Variants in ME1 observed in about 807,000 individuals in gnomAD.
The protein encoded by ME1 is malic enzyme 1.
Under a neutral mutation model 66.4 loss-of-function variants are expected in ME1, and 74 were observed. The ratio of observed to expected loss-of-function variants is 1.11; its 90% confidence interval spans 0.92 to 1.35. The LOEUF is 1.35. Among genes scored for constraint, ME1 ranks in the 40% most tolerant of loss-of-function variants. The probability of loss-of-function intolerance (pLI) is 0.00; values close to 1 mark genes in which losing one functional copy is unlikely to be tolerated. For synonymous variants in ME1, 251 were observed against 235.6 expected (o/e 1.07, Z -0.60); for missense variants, 750 against 694.1 (o/e 1.08, Z -0.90).
At chr6:83,397,835 G>C (rs1375874889) in intron 3 of ME1, among the ~76,000 whole-genome samples, 2 of 152,178 alleles carry the variant, frequency 1.3e-5, no homozygotes, top group Admixed American at 6.5e-5. Flanking sequence ...CAACAATACA[G>C]ATGAACCTTT....
At chr6:83,392,549 A>G (rs1769641465) in intron 3 of ME1, 1 of 548,624 alleles carries the variant, frequency 1.8e-6, no homozygotes, top group Admixed American at 1.9e-5. Flanking sequence ...AACACTGTCT[A>G]CATGTTCCAG....
At chr6:83,313,694 A>G (rs1358530281) in intron 6 of ME1, among the ~76,000 whole-genome samples, 2 of 152,200 alleles carry the variant, frequency 1.3e-5, no homozygotes, top group Non-Finnish European at 2.9e-5. Flanking sequence ...TCAAAACCTT[A>G]CATGAGCGTT....
chr6:83,374,158 A>T (rs375389915), intron 3 of ME1, among the ~76,000 whole-genome samples: 1 of 152,294 alleles, frequency 6.6e-6, no homozygotes, highest in East Asian at 1.9e-4. Flanking sequence ...CTGGTTCTAG[A>T]CCTTGGAGGA....
At chr6:83,324,597 G>T (rs1768247191) in intron 5 of ME1, among the ~76,000 whole-genome samples, 1 of 148,950 alleles carries the variant, frequency 6.7e-6, no homozygotes, top group Non-Finnish European at 1.5e-5. Flanking sequence ...ATATCTAGAA[G>T]AAATGGATAA....
chr6:83,281,475 G>A (rs1048404074), intron 6 of ME1, among the ~76,000 whole-genome samples: 1 of 151,964 alleles, frequency 6.6e-6, no homozygotes, highest in African/African-American at 2.4e-5. Context: ...TTTTACTACA[G>A]GGCTTACTGA....
intron 5 of ME1, among the ~76,000 whole-genome samples, chr6:83,345,731 A>T (rs1768673324): frequency 6.6e-6 from 1 of 152,196 alleles, no homozygotes; most frequent in Non-Finnish European, 1.5e-5. Flanking sequence ...TGACTTTAAG[A>T]TTCTAAAATA....
At chr6:83,425,583 A>G (rs1337095717) in intron 1 of ME1, among the ~76,000 whole-genome samples, 2 of 152,166 alleles carry the variant, frequency 1.3e-5, no homozygotes, top group African/African-American at 4.8e-5. Flanking sequence ...CCAGGAGAAC[A>G]GCAGCATGGG....
chr6:83,288,360 G>A (rs1388509275), intron 6 of ME1, among the ~76,000 whole-genome samples: 2 of 152,124 alleles, frequency 1.3e-5, no homozygotes, highest in African/African-American at 4.8e-5. Flanking sequence ...TCCAGTTTCA[G>A]TTTTCTGCAT....
At chr6:83,273,533 T>C (rs1472210909) in intron 6 of ME1, among the ~76,000 whole-genome samples, 1 of 152,170 alleles carries the variant, frequency 6.6e-6, no homozygotes, top group Non-Finnish European at 1.5e-5. Context: ...TTAAGTCTTA[T>C]TCCATGAACT....
intron 6 of ME1, among the ~76,000 whole-genome samples, chr6:83,291,952 T>C (rs1266774015): frequency 1.3e-5 from 2 of 152,090 alleles, no homozygotes; most frequent in African/African-American, 2.4e-5. Flanking sequence ...GTTCTTGTAG[T>C]GTGCTTTCCA....
intron 3 of ME1, among the ~76,000 whole-genome samples, chr6:83,386,797 C>CTA (rs1249852043): frequency 2.0e-5 from 3 of 150,376 alleles, no homozygotes; most frequent in Non-Finnish European, 4.4e-5. Flanking sequence ...GATTAGTGCC[C>CTA]TTTATAAAAG....
chr6:83,396,604 C>T (rs1450087523), intron 3 of ME1, among the ~76,000 whole-genome samples: 2 of 151,958 alleles, frequency 1.3e-5, no homozygotes, highest in East Asian at 3.9e-4. Context: ...CATTTTTTCA[C>T]AGAAATATAA....
At chr6:83,423,052 A>C (rs1052441523) in intron 1 of ME1, among the ~76,000 whole-genome samples, 1 of 152,152 alleles carries the variant, frequency 6.6e-6, no homozygotes, top group African/African-American at 2.4e-5. Flanking sequence ...CAAACCCAGA[A>C]ACATTATATT....
chr6:83,378,047 G>A (rs558421001), intron 3 of ME1, among the ~76,000 whole-genome samples: 1 of 152,136 alleles, frequency 6.6e-6, no homozygotes, highest in South Asian at 2.1e-4. Context: ...CCCAGGGGAG[G>A]AAGAAAGTGT....
At chr6:83,269,459 A>G (rs958531162) in intron 6 of ME1, among the ~76,000 whole-genome samples, 4 of 152,128 alleles carry the variant, frequency 2.6e-5, no homozygotes, top group African/African-American at 9.7e-5. Flanking sequence ...CTGTTAGTTT[A>G]CTTTAGTGGA....
chr6:83,416,871 G>A (rs1770168624), intron 1 of ME1, among the ~76,000 whole-genome samples: 1 of 150,052 alleles, frequency 6.7e-6, no homozygotes. Flanking sequence ...ACTCCAGGCT[G>A]GGTGACAGAG....
intron 2 of ME1, among the ~76,000 whole-genome samples, chr6:83,405,490 C>G (rs1583420486): frequency 6.6e-6 from 1 of 152,192 alleles, no homozygotes; most frequent in East Asian, 1.9e-4. Flanking sequence ...TTTGAATATG[C>G]TTTATTTCTT....
At chr6:83,245,893 A>C (rs1172702379) in intron 7 of ME1, among the ~76,000 whole-genome samples, 1 of 149,714 alleles carries the variant, frequency 6.7e-6, no homozygotes, top group Non-Finnish European at 1.5e-5. Context: ...TACAGGATCT[A>C]CATATAAATA....
chr6:83,418,356 A>G (rs555148863), intron 1 of ME1, among the ~76,000 whole-genome samples: 1 of 151,176 alleles, frequency 6.6e-6, no homozygotes, highest in South Asian at 2.1e-4. Flanking sequence ...CAGGAGGTTC[A>G]AGACCCAGGA....
Sources: gnomAD v4.1 joint callset for allele counts (sites outside exome capture counted in the v4.1 genomes callset) on GRCh38, gnomAD v4.1.1 for gene constraint, MANE v1.5 for transcripts, NCBI Gene and HGNC (gene_info 2026-07-23, HGNC 2026-07-21) for gene names.